PGGT1B: variants seen among roughly 807,000 people sequenced by gnomAD.
The protein encoded by PGGT1B is protein geranylgeranyltransferase type I subunit beta, also known as geranylgeranyl transferase type-1 subunit beta.
In PGGT1B, 30 loss-of-function variants were observed where a neutral mutation model predicts 46.1. That is an observed-to-expected ratio of 0.65 (90% CI 0.49 to 0.88). The LOEUF (loss-of-function observed/expected upper bound fraction) is 0.88. Among genes scored for constraint, PGGT1B ranks in the 40% least tolerant of loss-of-function variants. The pLI is 0.00. For missense variants in PGGT1B, 376 were observed against 455.9 expected, an observed-to-expected ratio of 0.82 and a Z score of 1.60; for synonymous variants, 170 against 160.0, an observed-to-expected ratio of 1.06 and a Z score of -0.47.
At chr5:115,229,515 T>C (rs1756908532) in intron 6 of PGGT1B, among the ~76,000 whole-genome samples, 1 of 152,100 alleles carries the variant, frequency 6.6e-6, no homozygotes, top group Non-Finnish European at 1.5e-5. Flanking sequence ...TCATGACTTG[T>C]ATAACTCAGG....
chr5:115,220,409 A>C (rs1178002705), intron 7 of PGGT1B, among the ~76,000 whole-genome samples: 1 of 151,888 alleles, frequency 6.6e-6, no homozygotes, highest in Non-Finnish European at 1.5e-5. Context: ...ACAAATTCAT[A>C]GTGACAGAGA....
chr5:115,216,409 G>A (rs1436675426), intron 8 of PGGT1B, among the ~76,000 whole-genome samples: 1 of 152,172 alleles, frequency 6.6e-6, no homozygotes, highest in Non-Finnish European at 1.5e-5. Flanking sequence ...CAAAGTGTTG[G>A]GGTTACAGGC....
In PGGT1B at chr5:115,205,178, A is replaced by G. The variant is rs1041887503; in HGVS notation, c.*7224T>C. ...GGAAATTGGCTTTGAGCCTAAATTCATAATCTTTTACTTTTTCACAATTTC... is the reference window on the plus strand; with the variant it reads ...GGAAATTGGCTTTGAGCCTAAATTCGTAATCTTTTACTTTTTCACAATTTC... On this transcript the variant is annotated 3_prime_UTR_variant, in exon 9 of 9. Transcript: ENST00000419445. 6.6e-6 allele frequency: 1 copy of G among 152,092 alleles called. No individual in the cohort carries two copies. The highest frequency in any genetic ancestry group is 2.4e-5 in the African/African-American group (1 of 41,364). The allele number at this position is 152,092 out of a possible 1,614,324, so 9.4% of individuals were successfully genotyped here. A position where few individuals can be genotyped will look rare whatever the true frequency, so the allele number is the denominator to read the frequency against.
At chr5:115,226,333 T>G (rs1484749369) in intron 6 of PGGT1B, among the ~76,000 whole-genome samples, 1 of 152,112 alleles carries the variant, frequency 6.6e-6, no homozygotes, top group Non-Finnish European at 1.5e-5. Flanking sequence ...GTAAGTATAA[T>G]GCAAATATTC....
chr5:115,221,335 T>C (rs1396169938), intron 7 of PGGT1B, among the ~76,000 whole-genome samples: 3 of 151,904 alleles, frequency 2.0e-5, no homozygotes, highest in African/African-American at 7.2e-5. Flanking sequence ...TGGGAAAAAA[T>C]GTGCTGGCAT....
At chr5:115,227,036 T>C (rs1269808925) in intron 6 of PGGT1B, among the ~76,000 whole-genome samples, 3 of 151,676 alleles carry the variant, frequency 2.0e-5, no homozygotes, top group East Asian at 1.9e-4. Flanking sequence ...GTTTGGAGAG[T>C]ATGTTTTCTT....
Position 115,212,598 on chromosome 5 carries a change from T to C in PGGT1B, c.953-15A>G. 1.3e-6 allele frequency: 2 copies of C among 1,570,834 alleles called. No homozygotes were observed. The highest frequency in any genetic ancestry group is 1.7e-6 in the Non-Finnish European group (2 of 1,155,018). ...ATGCAAAGCATCTGAAAAGAAGGCA[T>C]TTAAAACATCATAATAGGCATTCTT... On this transcript the variant is annotated splice_polypyrimidine_tract_variant and intron_variant, in intron 8 of 8. Coordinates refer to ENST00000419445, the MANE Select transcript of PGGT1B (RefSeq NM_005023.4).
chr5:115,252,240 A>G (rs1026495106), intron 2 of PGGT1B, among the ~76,000 whole-genome samples: 1 of 152,110 alleles, frequency 6.6e-6, no homozygotes, highest in Non-Finnish European at 1.5e-5. Flanking sequence ...TCATTTTTTA[A>G]TAAGACTTTG....
chr5:115,255,223 A>G (rs765262737), intron 1 of PGGT1B, among the ~76,000 whole-genome samples: 6 of 152,172 alleles, frequency 3.9e-5, no homozygotes, highest in Non-Finnish European at 5.9e-5. Context: ...AGTCTATAAC[A>G]CTACAGGCCT....
intron 4 of PGGT1B, among the ~76,000 whole-genome samples, chr5:115,237,056 A>T (rs1225850340): frequency 6.6e-6 from 1 of 152,202 alleles, no homozygotes; most frequent in Non-Finnish European, 1.5e-5. Context: ...AAGAATAAGG[A>T]AGCAATAATC....
chr5:115,259,405 G>C (rs1228991562), intron 1 of PGGT1B, among the ~76,000 whole-genome samples: 2 of 152,024 alleles, frequency 1.3e-5, no homozygotes, highest in Non-Finnish European at 2.9e-5. Flanking sequence ...TTTAAGATAA[G>C]GGGGCCGGGC....
At chr5:115,250,905 G>C (rs1371990479) in intron 2 of PGGT1B, among the ~76,000 whole-genome samples, 1 of 152,136 alleles carries the variant, frequency 6.6e-6, no homozygotes, top group African/African-American at 2.4e-5. Context: ...AAACATGCTT[G>C]TGACACTCAT....
At chr5:115,238,840 T>C (rs1757265993) in intron 3 of PGGT1B, among the ~76,000 whole-genome samples, 1 of 152,188 alleles carries the variant, frequency 6.6e-6, no homozygotes, top group Non-Finnish European at 1.5e-5. Flanking sequence ...GTTACTTATC[T>C]TAATGGTGAC....
intron 5 of PGGT1B, 131 bp downstream of exon 5, chr5:115,236,259 A>G: frequency 3.0e-6 from 2 of 663,138 alleles, no homozygotes; most frequent in East Asian, 3.0e-5. Flanking sequence ...CTGATACACA[A>G]TTTACCAAAA....
At position 115,237,937 on chromosome 5, in the gene PGGT1B, T is replaced by C. The variant is rs138002163; in HGVS notation, c.400A>G (p.Ile134Val). 1 of 1,612,350 alleles carries C rather than the reference T, an allele frequency of 6.2e-7. No homozygotes were observed. The highest frequency in any genetic ancestry group is 1.3e-5 in the African/African-American group (1 of 74,856). Residue 134 changes from isoleucine to valine, a missense_variant, in exon 4 of 9, where the codon ATT becomes GTT. By Grantham distance (29) the Ile-to-Val change is conservative. Transcript: ENST00000419445. ...MTYTGLSCLV[I>V]LGDDLSRVNK... The stretch of plus-strand genomic sequence containing the variant: ...ACTCGGCTTAAGTCGTCTCCAAGAA[T>C]AACTAAGCATGAGAGGCCAGTGTAG...
chr5:115,262,699 T>C lies in PGGT1B; in HGVS notation c.140+13A>G, dbSNP rs1237444072. On this transcript the variant is annotated intron_variant, in intron 1 of 8. Transcript: ENST00000419445. ...GGCCTTGTGCCAGCCTGGCTGACTG[T>C]GCCACGAGTTACCTGCTTGTCTCGA... is the stretch of plus-strand genomic sequence containing the variant. The C allele has an allele frequency of 1.9e-6, 3 of 1,598,690 alleles. No homozygotes were observed. The highest frequency in any genetic ancestry group is 2.6e-6 in the Non-Finnish European group (3 of 1,172,398).
chr5:115,238,879 A>G (rs1490537338), intron 3 of PGGT1B, among the ~76,000 whole-genome samples: 1 of 152,204 alleles, frequency 6.6e-6, no homozygotes, highest in Non-Finnish European at 1.5e-5. Flanking sequence ...CAGACGGACC[A>G]CTAGTTCTTT....
intron 2 of PGGT1B, among the ~76,000 whole-genome samples, chr5:115,252,511 A>T (rs1748146354): frequency 6.6e-6 from 1 of 152,002 alleles, no homozygotes; most frequent in Admixed American, 6.6e-5. Context: ...AATTTATAAC[A>T]TGTATAAGTT....
chr5:115,219,465 C>A (rs1268802437), intron 7 of PGGT1B, among the ~76,000 whole-genome samples: 2 of 151,520 alleles, frequency 1.3e-5, no homozygotes, highest in Non-Finnish European at 3.0e-5. Context: ...GATGAAAGGC[C>A]CAACATTAAG....
Sources: gnomAD v4.1 joint callset for allele counts (sites outside exome capture counted in the v4.1 genomes callset) on GRCh38, gnomAD v4.1.1 for gene constraint, MANE v1.5 for transcripts, NCBI Gene and HGNC (gene_info 2026-07-23, HGNC 2026-07-21) for gene names.